Variants in TPCN2 observed in about 807,000 individuals in gnomAD.
TPCN2 encodes two pore channel protein 2.
A neutral mutation model predicts 111.4 loss-of-function variants in TPCN2; 92 were observed. The ratio of observed to expected loss-of-function variants is 0.83; its 90% confidence interval spans 0.70 to 0.98. The LOEUF is 0.98. Ranked by LOEUF, TPCN2 falls within the 50% of genes least tolerant of loss-of-function variation. TPCN2 has a pLI of 0.00. For missense variants in TPCN2, 995 were observed against 980.1 expected (o/e 1.02, Z -0.20); for synonymous variants, 405 against 414.5 (o/e 0.98, Z 0.28).
chr11:69,085,930 C>T lies in TPCN2; in HGVS notation c.2003C>T (p.Pro668Leu), dbSNP rs775361411. Reference protein sequence around the residue: ...FLDAYRRYSGPWSKIYFVLWW... With the variant: ...FLDAYRRYSGLWSKIYFVLWW... The stretch of plus-strand genomic sequence containing the variant: ...GATGCATATCGGCGCTACTCAGGCC[C>T]GTGAGTCCTCGTCTCCCTGACGGCA... The change falls in exon 22 of 25, where the codon CCG (proline) becomes CTG (leucine). Residue 668 changes from proline (P) to leucine (L), a missense_variant and splice_region_variant. Physicochemically the swap from Pro to Leu is moderately conservative, Grantham distance 98. Transcript: ENST00000294309. 2.5e-6 allele frequency: 4 copies of T among 1,613,170 alleles called. No individual in the cohort carries two copies. The highest frequency in any genetic ancestry group is 1.6e-4 in the Middle Eastern group (1 of 6,082).
intron 9 of TPCN2, among the ~76,000 whole-genome samples, chr11:69,070,995 C>T (rs1424414719): frequency 6.0e-5 from 9 of 149,998 alleles, no homozygotes; most frequent in Non-Finnish European, 1.0e-4. Flanking sequence ...CCAGGGATCC[C>T]CCACCAACAG....
Position 69,055,163 on chromosome 11 carries a change from T to C in TPCN2, c.252-12T>C, listed in dbSNP as rs373181469. ...TGGCTCCTGTGTTTTCATGTTTCTG[T>C]CCCCTTTCCAGGACTTTGAGCTTCA... On this transcript the variant is annotated splice_polypyrimidine_tract_variant and intron_variant, in intron 3 of 24. Coordinates refer to ENST00000294309, the MANE Select transcript of TPCN2 (RefSeq NM_139075.4). The C allele has an allele frequency of 6.2e-7, 1 of 1,612,798 alleles. No individual in the cohort carries two copies.
intron 2 of TPCN2, 27 bp from the exon 3 acceptor site, chr11:69,054,694 A>G (rs766529106): frequency 4.1e-5 from 66 of 1,612,308 alleles, no homozygotes; most frequent in Non-Finnish European, 5.4e-5. Context: ...CACCCATGTC[A>G]TGCCTCATGT....
intron 5 of TPCN2, among the ~76,000 whole-genome samples, chr11:69,061,132 G>A (rs958468837): frequency 1.1e-4 from 16 of 152,338 alleles, no homozygotes; most frequent in African/African-American, 2.6e-4. Flanking sequence ...GACTGCCAGC[G>A]CACAGAAGTG....
chr11:69,061,782 G>A (rs1855031687), intron 5 of TPCN2, among the ~76,000 whole-genome samples: 1 of 152,144 alleles, frequency 6.6e-6, no homozygotes, highest in Non-Finnish European at 1.5e-5. Flanking sequence ...GAACACTGGT[G>A]TGTGATGGTT....
At position 69,074,715 on chromosome 11, in the gene TPCN2, T is replaced by G. The variant is rs114964838; in HGVS notation, c.1230+1714T>G. On this transcript the variant is annotated intron_variant, in intron 13 of 24. Coordinates refer to ENST00000294309, the MANE Select transcript of TPCN2 (RefSeq NM_139075.4). The stretch of plus-strand genomic sequence containing the variant: ...AATTGTTACAAGGAGAAGGTGTTCG[T>G]ATGTTAGCTGTGTAACTGAGAGATA... Among the ~76,000 whole-genome samples, 1,028 of 152,266 alleles carry G rather than the reference T, an allele frequency of 6.8e-3. 14 individuals are homozygous for G. The highest frequency in any genetic ancestry group is 0.024 in the African/African-American group (989 of 41,534).
intron 18 of TPCN2, among the ~76,000 whole-genome samples, chr11:69,081,898 A>G (rs1054761521): frequency 6.6e-6 from 1 of 152,146 alleles, no homozygotes; most frequent in Admixed American, 6.5e-5. Context: ...GCTTGTTTCC[A>G]GGATCCTCTA....
intron 17 of TPCN2, among the ~76,000 whole-genome samples, chr11:69,080,508 C>T (rs1369734571): frequency 3.9e-5 from 6 of 152,212 alleles, no homozygotes; most frequent in East Asian, 1.9e-4. Flanking sequence ...GCCCTGAGAG[C>T]GTGGCTCTGG....
chr11:69,074,234 C>T (rs1855657201), intron 13 of TPCN2, among the ~76,000 whole-genome samples: 1 of 152,238 alleles, frequency 6.6e-6, no homozygotes, highest in African/African-American at 2.4e-5. Context: ...AGGCCCTGCC[C>T]CAGCCTGAGC....
intron 7 of TPCN2, among the ~76,000 whole-genome samples, chr11:69,065,480 G>A (rs1855233267): frequency 6.6e-6 from 1 of 152,228 alleles, no homozygotes; most frequent in South Asian, 2.1e-4. Flanking sequence ...TACCTTGTGT[G>A]AGGGGTGCGT....
intron 2 of TPCN2, chr11:69,054,318 G>A (rs1854646198): frequency 3.4e-6 from 2 of 589,264 alleles, no homozygotes; most frequent in Admixed American, 3.0e-5. Flanking sequence ...CGTGTTCTGA[G>A]GCCTGTTGTG....
chr11:69,070,978 G>T (rs1373037995), intron 9 of TPCN2, among the ~76,000 whole-genome samples: 1 of 77,566 alleles, frequency 1.3e-5, no homozygotes, highest in Middle Eastern at 9.1e-3. Context: ...CCGCCAACAG[G>T]TTCACCCCAG....
chr11:69,066,016 G>T (rs1208693681), intron 7 of TPCN2, among the ~76,000 whole-genome samples: 1 of 152,140 alleles, frequency 6.6e-6, no homozygotes, highest in Non-Finnish European at 1.5e-5. Flanking sequence ...TACACAGTGT[G>T]GGGTGGGAGA....
At chr11:69,080,422 T>G (rs995707660) in intron 17 of TPCN2, among the ~76,000 whole-genome samples, 1 of 152,236 alleles carries the variant, frequency 6.6e-6, no homozygotes, top group Admixed American at 6.5e-5. Flanking sequence ...TGCCCGGGGT[T>G]CTGGCCATGA....
chr11:69,079,177 G>A (rs963550280), intron 16 of TPCN2, 157 bp downstream of exon 16: 2 of 963,486 alleles, frequency 2.1e-6, no homozygotes, highest in South Asian at 1.7e-5. Flanking sequence ...CCTGCTGGCC[G>A]AGTTGCTCAG....
At chr11:69,061,460 C>T (rs1266676164) in intron 5 of TPCN2, among the ~76,000 whole-genome samples, 2 of 152,162 alleles carry the variant, frequency 1.3e-5, no homozygotes, top group South Asian at 2.1e-4. Flanking sequence ...CAGTGGAGAG[C>T]GTGGATTTGA....
chr11:69,071,810 C>T (rs1245094698), intron 10 of TPCN2, 113 bp from the exon 11 acceptor site: 4 of 964,008 alleles, frequency 4.1e-6, no homozygotes, highest in African/African-American at 1.6e-5. Flanking sequence ...AACTGGGCCC[C>T]CCCCCAAGGC....
chr11:69,067,495 G>A lies in TPCN2; in HGVS notation c.727-8G>A. 1.2e-6 allele frequency: 2 copies of A among 1,612,012 alleles called. No homozygotes were observed. The highest frequency in any genetic ancestry group is 1.1e-5 in the South Asian group (1 of 91,078). On this transcript the variant is annotated splice_polypyrimidine_tract_variant and splice_region_variant and intron_variant, in intron 7 of 24. Coordinates refer to ENST00000294309, the MANE Select transcript of TPCN2 (RefSeq NM_139075.4). The stretch of plus-strand genomic sequence containing the variant: ...GTGGTGCCCTGGAGCTGCCGCTTCT[G>A]CTCTTAGCAGGATGATGGGCAGGAC...
intron 8 of TPCN2, among the ~76,000 whole-genome samples, chr11:69,069,835 C>G (rs1255266217): frequency 8.5e-6 from 1 of 118,142 alleles, no homozygotes; most frequent in Non-Finnish European, 1.7e-5. Flanking sequence ...GGGAGCAGGA[C>G]TGACTGTGGG....
Sources: allele counts gnomAD v4.1 joint callset (sites outside exome capture counted in the v4.1 genomes callset), GRCh38; gene constraint gnomAD v4.1.1; transcripts MANE v1.5; gene names NCBI Gene and HGNC (gene_info 2026-07-23, HGNC 2026-07-21).